Variants in ARNT2 observed in about 807,000 individuals in gnomAD.
ARNT2 encodes the protein ARNT protein 2.
Under a neutral mutation model 91.7 loss-of-function variants are expected in ARNT2, and 36 were observed. That is an observed-to-expected ratio of 0.39 (90% CI 0.30 to 0.52). ARNT2 has a LOEUF of 0.52. ARNT2 is among the 20% of genes least tolerant of loss of function. ARNT2 has a pLI of 0.72. For missense variants in ARNT2, 775 were observed against 939.3 expected (o/e 0.83, Z 2.29); for synonymous variants, 365 against 347.1 (o/e 1.05, Z -0.57).
At chr15:80,506,643 G>A (rs188670726) in intron 5 of ARNT2, among the ~76,000 whole-genome samples, 2 of 152,342 alleles carry the variant, frequency 1.3e-5, no homozygotes, top group African/African-American at 4.8e-5. Context: ...ACAGGAGGCC[G>A]ATTGAGTTTC....
In ARNT2 at chr15:80,535,120, G is replaced by A. The variant is rs554241832; in HGVS notation, c.878-16079G>A. 7.0e-4 allele frequency among the ~76,000 whole-genome samples: 106 copies of A among 152,328 alleles called. 1 individual carries two copies. Among genetic ancestry groups the A allele is most frequent in the African/African-American group, 2.3e-3 (97 of 41,574 alleles). ...TAGGATCAAGAGATAATGGACTACC[G>A]CAGACATCTGGGAGCAAGGATCCAA... is the stretch of plus-strand genomic sequence containing the variant. On this transcript the variant is annotated intron_variant, in intron 8 of 18. Transcript: ENST00000303329.
At chr15:80,407,257 C>T (rs768365583) in intron 1 of ARNT2, among the ~76,000 whole-genome samples, 12 of 152,184 alleles carry the variant, frequency 7.9e-5, no homozygotes, top group Non-Finnish European at 1.3e-4. Flanking sequence ...CCCAGCTGAC[C>T]ACTTCACAAC....
intron 5 of ARNT2, among the ~76,000 whole-genome samples, chr15:80,478,663 C>T (rs888551728): frequency 3.9e-5 from 6 of 152,140 alleles, no homozygotes; most frequent in African/African-American, 7.2e-5. Flanking sequence ...GGGTGTGATG[C>T]GACTTTCCTA....
Position 80,448,841 on chromosome 15 carries a change from C to T in ARNT2, c.32-2039C>T, listed in dbSNP as rs1259311218. Among the ~76,000 whole-genome samples, 9 of 152,200 alleles carry T rather than the reference C, an allele frequency of 5.9e-5. No homozygotes were observed. In the South Asian group the frequency reaches 1.0e-3, roughly 18 times the overall value. On this transcript the variant is annotated intron_variant, in intron 1 of 18. Coordinates refer to ENST00000303329, the MANE Select transcript of ARNT2 (RefSeq NM_014862.4). ...TACTAAAAATACAAAAAAAATTAGC[C>T]GGGCATGGTGGCGGGCGCCTGTAGT...
At chr15:80,417,389 A>C (rs1025388489) in intron 1 of ARNT2, among the ~76,000 whole-genome samples, 2 of 152,202 alleles carry the variant, frequency 1.3e-5, no homozygotes, top group Non-Finnish European at 2.9e-5. Context: ...GTGGCTTCAT[A>C]AAAAGAGATC....
At chr15:80,439,391 C>T (rs911365892) in intron 1 of ARNT2, among the ~76,000 whole-genome samples, 2 of 152,108 alleles carry the variant, frequency 1.3e-5, no homozygotes, top group Non-Finnish European at 2.9e-5. Context: ...TTTGTCCTTT[C>T]AAAGGCCAAG....
At chr15:80,491,397 A>G (rs1302437296) in intron 5 of ARNT2, among the ~76,000 whole-genome samples, 2 of 152,174 alleles carry the variant, frequency 1.3e-5, no homozygotes, top group African/African-American at 4.8e-5. Flanking sequence ...AGACTTATTC[A>G]CTATCACGAG....
At chr15:80,497,006 T>C (rs1378030822) in intron 5 of ARNT2, among the ~76,000 whole-genome samples, 1 of 152,198 alleles carries the variant, frequency 6.6e-6, no homozygotes, top group African/African-American at 2.4e-5. Context: ...ATTCAACCCC[T>C]GGCTAGCTGC....
chr15:80,480,853 C>T (rs182502724), intron 5 of ARNT2, among the ~76,000 whole-genome samples: 6 of 152,050 alleles, frequency 3.9e-5, no homozygotes, highest in Admixed American at 3.9e-4. Context: ...TCTCTGACCA[C>T]TACTTAGTTT....
At chr15:80,527,173 TGCC>T (rs1475620612) in intron 8 of ARNT2, among the ~76,000 whole-genome samples, 1 of 152,222 alleles carries the variant, frequency 6.6e-6, no homozygotes, top group Admixed American at 6.5e-5. Context: ...TCTGAGCTCT[TGCC>T]ACAGGCCAGC....
intron 5 of ARNT2, among the ~76,000 whole-genome samples, chr15:80,495,202 A>G (rs1365403523): frequency 6.6e-6 from 1 of 152,052 alleles, no homozygotes; most frequent in Non-Finnish European, 1.5e-5. Flanking sequence ...CCAGAGGGGG[A>G]TGGTTCCCAA....
At chr15:80,497,145 A>G (rs1897134524) in intron 5 of ARNT2, among the ~76,000 whole-genome samples, 3 of 152,258 alleles carry the variant, frequency 2.0e-5, no homozygotes, top group African/African-American at 7.2e-5. Context: ...TCAATCAAAC[A>G]CTAATCTAAG....
intron 8 of ARNT2, among the ~76,000 whole-genome samples, chr15:80,522,760 C>CACAT (rs1555411701): frequency 9.7e-5 from 14 of 144,540 alleles, no homozygotes; most frequent in South Asian, 6.6e-4. Flanking sequence ...TGTACATACA[C>CACAT]ATATATATAT....
chr15:80,408,110 G>A (rs1367624156), intron 1 of ARNT2, among the ~76,000 whole-genome samples: 1 of 152,078 alleles, frequency 6.6e-6, no homozygotes, highest in African/African-American at 2.4e-5. Flanking sequence ...TCTGGTCTTT[G>A]GCATTTCAAT....
chr15:80,438,566 A>G (rs116475297), intron 1 of ARNT2, among the ~76,000 whole-genome samples: 1,798 of 152,364 alleles, frequency 0.012, 35 homozygotes, highest in African/African-American at 0.042. Flanking sequence ...CCACAAAGAC[A>G]TAATTTATAA....
rs547764448 is a variant in ARNT2, at chr15:80,409,512, C to T, written c.31+4966C>T. Among the ~76,000 whole-genome samples the T allele has an allele frequency of 3.3e-5, 5 of 151,790 alleles. No homozygotes were observed. The South Asian group carries it at 8.3e-4, about 25-fold the overall frequency. On this transcript the variant is annotated intron_variant, in intron 1 of 18. Coordinates refer to ENST00000303329, the MANE Select transcript of ARNT2 (RefSeq NM_014862.4). ...CATCTGGGTTGCTTCTAAGTTTTGG[C>T]AATTATGACGAATGAAGCTGCTAGG...
chr15:80,467,980 C>A (rs933406812), intron 3 of ARNT2, among the ~76,000 whole-genome samples: 4 of 152,144 alleles, frequency 2.6e-5, no homozygotes, highest in Non-Finnish European at 5.9e-5. Flanking sequence ...CTAACCAAAT[C>A]CCCCTTTTTC....
At chr15:80,530,403 C>T (rs953602152) in intron 8 of ARNT2, among the ~76,000 whole-genome samples, 8 of 152,180 alleles carry the variant, frequency 5.3e-5, no homozygotes, top group African/African-American at 1.9e-4. Context: ...ATCTGCTCTC[C>T]CTCACAACAT....
At chr15:80,426,018 G>A (rs901440259) in intron 1 of ARNT2, among the ~76,000 whole-genome samples, 2 of 147,640 alleles carry the variant, frequency 1.4e-5, no homozygotes, top group African/African-American at 2.6e-5. Context: ...CTATGGTCTC[G>A]TCACTGCACT....
Sources: allele counts gnomAD v4.1 joint callset (sites outside exome capture counted in the v4.1 genomes callset), GRCh38; gene constraint gnomAD v4.1.1; transcripts MANE v1.5; gene names NCBI Gene and HGNC (gene_info 2026-07-23, HGNC 2026-07-21).